The following SUFU variants were observed in gnomAD, a reference collection of about 807,000 sequenced individuals.
SUFU encodes SUFU negative regulator of hedgehog signaling, also known as suppressor of fused homolog.
SUFU carries 7 observed loss-of-function variants against 58.9 expected under a neutral mutation model. The ratio of observed to expected loss-of-function variants is 0.12; its 90% CI spans 0.07 to 0.22. The LOEUF (loss-of-function observed/expected upper bound fraction) is 0.22, where lower values mean the gene tolerates loss of function less well. Ranked by LOEUF, SUFU falls within the 10% of genes least tolerant of loss-of-function variation. The pLI is 1.00. For synonymous variants in SUFU, 232 were observed against 254.8 expected (o/e 0.91, Z 0.85); for missense variants, 451 against 641.3 (o/e 0.70, Z 3.20).
At chr10:102,550,222 C>T in intron 3 of SUFU, 116 bp downstream of exon 3, 1 of 1,471,684 alleles carries the variant, frequency 6.8e-7, no homozygotes, top group Non-Finnish European at 9.2e-7. Flanking sequence ...GAGTACTATG[C>T]CCCAATTCTA....
chr10:102,572,209 G>A (rs1195720228), intron 3 of SUFU, among the ~76,000 whole-genome samples: 1 of 150,972 alleles, frequency 6.6e-6, no homozygotes, highest in Non-Finnish European at 1.5e-5. Context: ...GGGATTACAG[G>A]CACCGGCCAC....
chr10:102,505,685 T>A (rs1474980543), intron 1 of SUFU, among the ~76,000 whole-genome samples: 1 of 152,108 alleles, frequency 6.6e-6, no homozygotes, highest in Non-Finnish European at 1.5e-5. Context: ...ACCTGCTGTC[T>A]AGGGAGGATT....
chr10:102,536,114 G>A (rs1028603360), intron 2 of SUFU, among the ~76,000 whole-genome samples: 4 of 151,828 alleles, frequency 2.6e-5, no homozygotes, highest in Non-Finnish European at 2.9e-5. Flanking sequence ...GACTACAGGC[G>A]CCCACCAACA....
chr10:102,560,575 A>T (rs909237767), intron 3 of SUFU, among the ~76,000 whole-genome samples: 17 of 151,354 alleles, frequency 1.1e-4, no homozygotes, highest in African/African-American at 4.1e-4. Flanking sequence ...ACTCAGTCTC[A>T]AAAAAAAAGA....
At chr10:102,573,671 G>A (rs1316054505) in intron 3 of SUFU, among the ~76,000 whole-genome samples, 1 of 152,216 alleles carries the variant, frequency 6.6e-6, no homozygotes, top group African/African-American at 2.4e-5. Context: ...GCCACATGCT[G>A]CAGGCTACAA....
At chr10:102,613,488 G>A (rs753689699) in intron 8 of SUFU, among the ~76,000 whole-genome samples, 7 of 152,214 alleles carry the variant, frequency 4.6e-5, no homozygotes, top group Non-Finnish European at 1.0e-4. Flanking sequence ...CCCTGGGGAG[G>A]TGCCCTGCCT....
chr10:102,573,677 T>TACA (rs1387306716), intron 3 of SUFU, among the ~76,000 whole-genome samples: 1 of 152,204 alleles, frequency 6.6e-6, no homozygotes, highest in Admixed American at 6.5e-5. Flanking sequence ...TGCTGCAGGC[T>TACA]ACAACATGGA....
chr10:102,559,209 A>T (rs7893954), intron 3 of SUFU, among the ~76,000 whole-genome samples: 14 of 151,972 alleles, frequency 9.2e-5, no homozygotes, highest in Non-Finnish European at 1.9e-4. Context: ...AACCGCCCTC[A>T]TTGGTGTCCC....
intron 3 of SUFU, among the ~76,000 whole-genome samples, chr10:102,572,388 C>A (rs1415826494): frequency 8.5e-6 from 1 of 117,972 alleles, no homozygotes. Flanking sequence ...TCCCCTTTTT[C>A]TTTCTTTTTT....
chr10:102,574,166 G>T (rs2063190422), intron 3 of SUFU, among the ~76,000 whole-genome samples: 1 of 152,104 alleles, frequency 6.6e-6, no homozygotes, highest in South Asian at 2.1e-4. Flanking sequence ...GACCATGGGG[G>T]CACCTTAGAG....
chr10:102,519,759 AAT>A (rs1480464954), intron 2 of SUFU, among the ~76,000 whole-genome samples: 1 of 152,092 alleles, frequency 6.6e-6, no homozygotes, highest in Non-Finnish European at 1.5e-5. Flanking sequence ...ATTTTTAATC[AAT>A]AGACTTTATA....
chr10:102,520,079 C>T (rs1326858082), intron 2 of SUFU, among the ~76,000 whole-genome samples: 1 of 148,006 alleles, frequency 6.8e-6, no homozygotes, highest in East Asian at 2.0e-4. Context: ...GCCAGTTTCC[C>T]CTATTATTAA....
At chr10:102,618,950 G>A (rs2063715523) in intron 10 of SUFU, 1 of 722,618 alleles carries the variant, frequency 1.4e-6, no homozygotes. Flanking sequence ...GTGTGTGTGT[G>A]TGTGTGTGTG....
chr10:102,628,317 A>T lies in SUFU; in HGVS notation c.1365+1074A>T, dbSNP rs1258129373. On this transcript the variant is annotated intron_variant, in intron 11 of 11. Transcript: ENST00000369902. The surrounding 1 kb of genome is among the most constrained non-coding windows in gnomAD (Gnocchi z 4.5). ...CTCCAGTTGGACAGGAACTCCCCAG[A>T]GCCAGGGTCACCTCAATAGAGCAGG... Among the ~76,000 whole-genome samples, 1 of 152,194 alleles carries T rather than the reference A, an allele frequency of 6.6e-6. No individual in the cohort carries two copies. Among genetic ancestry groups the T allele is most frequent in the African/African-American group, 2.4e-5 (1 of 41,428 alleles).
rs962980470 is a variant in SUFU, at chr10:102,632,367, C to T, written c.*2212C>T. On this transcript the variant is annotated 3_prime_UTR_variant, in exon 12 of 12. Coordinates refer to ENST00000369902, the MANE Select transcript of SUFU (RefSeq NM_016169.4). Reference sequence around the variant, plus strand: ...GAGCACATGAAGCCTGTGGCCCCTTCGTACCTGCAATATGTCAGGAGCCTC... The same window carrying T: ...GAGCACATGAAGCCTGTGGCCCCTTTGTACCTGCAATATGTCAGGAGCCTC... The T allele has an allele frequency of 2.6e-5, 6 of 233,126 alleles. No homozygotes were observed. Among genetic ancestry groups the T allele is most frequent in the African/African-American group, 4.4e-5 (2 of 45,316 alleles). 14.4% of individuals were successfully genotyped at this position (233,126 alleles called of 1,614,324 possible). A position where few individuals can be genotyped will look rare whatever the true frequency, so the allele number is the denominator to read the frequency against.
chr10:102,582,249 A>C (rs1022425904), intron 3 of SUFU, among the ~76,000 whole-genome samples: 4 of 152,122 alleles, frequency 2.6e-5, no homozygotes, highest in African/African-American at 9.7e-5. Flanking sequence ...GTAGAACATC[A>C]CGGGGCCTGT....
At chr10:102,593,893 C>T in intron 5 of SUFU, 100 bp from the exon 6 acceptor site, 1 of 1,476,162 alleles carries the variant, frequency 6.8e-7, no homozygotes, top group Non-Finnish European at 9.5e-7. Flanking sequence ...AACTATTCCC[C>T]TGTGTCCTAG....
chr10:102,581,312 T>C (rs1423397515), intron 3 of SUFU, among the ~76,000 whole-genome samples: 1 of 150,920 alleles, frequency 6.6e-6, no homozygotes, highest in Non-Finnish European at 1.5e-5. Flanking sequence ...ATTAGGAGCA[T>C]CTGGGCTGGG....
At chr10:102,582,240 T>C (rs759395647) in intron 3 of SUFU, among the ~76,000 whole-genome samples, 37 of 152,174 alleles carry the variant, frequency 2.4e-4, no homozygotes, top group Non-Finnish European at 4.6e-4. Flanking sequence ...GGCTATTATG[T>C]AGAACATCAC....
Sources: gnomAD v4.1 joint callset for allele counts (sites outside exome capture counted in the v4.1 genomes callset) on GRCh38, gnomAD v4.1.1 for gene constraint, Gnocchi (gnomAD v3.1) non-coding constraint, MANE v1.5 for transcripts, NCBI Gene and HGNC (gene_info 2026-07-23, HGNC 2026-07-21) for gene names.